LRRC28: variants seen among roughly 807,000 people sequenced by gnomAD.
The protein encoded by LRRC28 is leucine rich repeat containing 28, also known as leucine-rich repeat-containing protein 28.
In LRRC28, 39 loss-of-function variants were observed where a neutral mutation model predicts 45.7. That is an observed-to-expected ratio of 0.85 (90% CI 0.66 to 1.12). The LOEUF (loss-of-function observed/expected upper bound fraction) is 1.12, where lower values mean the gene tolerates loss of function less well. Ranked by LOEUF, LRRC28 falls within the 50% of genes most tolerant of loss-of-function variation. The probability of loss-of-function intolerance (pLI) is 0.00; values close to 1 mark genes in which losing one functional copy is unlikely to be tolerated. For synonymous variants in LRRC28, 206 were observed against 178.8 expected, an observed-to-expected ratio of 1.15 and a Z score of -1.22; for missense variants, 435 against 438.5, an observed-to-expected ratio of 0.99 and a Z score of 0.07.
At chr15:99,282,177 G>GTGTTTTTTTTTTTTTTTTTTTTTTTTT (rs2081814879) in intron 3 of LRRC28, among the ~76,000 whole-genome samples, 1 of 98,048 alleles carries the variant, frequency 1.0e-5, no homozygotes, top group South Asian at 3.1e-4. Context: ...ATTTTTGGAG[G>GTGTTTTTTTTTTTTTTTTTTTTTTTTT]TTTTTTTTTT....
At chr15:99,354,807 A>G (rs1956998168) in intron 7 of LRRC28, among the ~76,000 whole-genome samples, 1 of 152,212 alleles carries the variant, frequency 6.6e-6, no homozygotes, top group South Asian at 2.1e-4. Flanking sequence ...CACTGCTATC[A>G]TATGTTGCAT....
chr15:99,260,068 G>A (rs954766852), intron 2 of LRRC28: 6 of 528,590 alleles, frequency 1.1e-5, no homozygotes, highest in African/African-American at 9.6e-5. Context: ...AATGTGAAAT[G>A]TAAGTCATTT....
chr15:99,278,488 C>T (rs1463343270), intron 3 of LRRC28, among the ~76,000 whole-genome samples: 2 of 152,162 alleles, frequency 1.3e-5, no homozygotes, highest in Non-Finnish European at 2.9e-5. Flanking sequence ...CCTTGTGATC[C>T]ACCTGCCTTG....
intron 9 of LRRC28, among the ~76,000 whole-genome samples, chr15:99,385,047 G>A (rs1452240292): frequency 6.6e-6 from 1 of 152,214 alleles, no homozygotes; most frequent in Non-Finnish European, 1.5e-5. Context: ...CCTTGGGCCT[G>A]AAGGGCAAAG....
intron 9 of LRRC28, among the ~76,000 whole-genome samples, chr15:99,382,442 G>A (rs1272667399): frequency 1.3e-5 from 2 of 152,094 alleles, no homozygotes; most frequent in East Asian, 1.9e-4. Flanking sequence ...GTTCCTATTC[G>A]GCCATCTTGG....
chr15:99,385,934 C>G (rs748953478), intron 9 of LRRC28, 96 bp from the exon 10 acceptor site: 2 of 1,054,544 alleles, frequency 1.9e-6, no homozygotes, highest in East Asian at 4.7e-5. Context: ...CATGGCTAAT[C>G]CTCCATTTTA....
chr15:99,386,174 C>A lies in LRRC28; in HGVS notation c.*72C>A. On this transcript the variant is annotated 3_prime_UTR_variant, in exon 10 of 10. Coordinates refer to ENST00000301981, the MANE Select transcript of LRRC28 (RefSeq NM_144598.5). ...ATCCAGCCAGTCCAGCACACTCTTC[C>A]ATCCTGTCCTGTCCAATGCGGGGGC... The A allele has an allele frequency of 8.3e-7, 1 of 1,211,784 alleles. No homozygotes were observed. Among genetic ancestry groups the A allele is most frequent in the Non-Finnish European group, 1.2e-6 (1 of 813,362 alleles). The allele number at this position is 1,211,784 out of a possible 1,614,324, so 75.1% of individuals were successfully genotyped here. A position where few individuals can be genotyped will look rare whatever the true frequency, so the allele number is the denominator to read the frequency against.
chr15:99,292,433 C>T (rs991557126), intron 5 of LRRC28, among the ~76,000 whole-genome samples: 2 of 146,710 alleles, frequency 1.4e-5, no homozygotes, highest in African/African-American at 2.5e-5. Context: ...GGTGCAATCT[C>T]GGCTCACTGC....
rs1958122709 is a variant in LRRC28, at chr15:99,389,504, A to G, written c.*3402A>G. The G allele has an allele frequency of 6.6e-6, 1 of 152,238 alleles. No homozygotes were observed. Among genetic ancestry groups the G allele is most frequent in the South Asian group, 2.1e-4 (1 of 4,832 alleles). The allele number at this position is 152,238 out of a possible 1,614,324, so 9.4% of individuals were successfully genotyped here. A position where few individuals can be genotyped will look rare whatever the true frequency, so the allele number is the denominator to read the frequency against. On this transcript the variant is annotated 3_prime_UTR_variant, in exon 10 of 10. Coordinates refer to ENST00000301981, the MANE Select transcript of LRRC28 (RefSeq NM_144598.5). The stretch of plus-strand genomic sequence containing the variant: ...AACACAATACATTGCCTCAGCATAA[A>G]TAAAAACATTTTTATTAAGATGATT...
chr15:99,370,033 C>T (rs148426381), intron 9 of LRRC28, among the ~76,000 whole-genome samples: 181 of 152,274 alleles, frequency 1.2e-3, no homozygotes, highest in Middle Eastern at 6.8e-3. Context: ...AAGATAGGTA[C>T]TATCATTAAG....
chr15:99,386,047 T>C lies in LRRC28; in HGVS notation c.1049T>C (p.Phe350Ser). 1 of 1,614,198 alleles carries C rather than the reference T, an allele frequency of 6.2e-7. No individual in the cohort carries two copies. The highest frequency in any genetic ancestry group is 8.5e-7 in the Non-Finnish European group (1 of 1,180,008). ...CCTTCCAGGAAGACAACTGTTAGTT[T>C]TGTGGCTTACTGCTGCTCCACCCAG... is the stretch of plus-strand genomic sequence containing the variant. Reference protein sequence around the residue: ...GLHQWKTTVSFVAYCCSTQCL... With the variant: ...GLHQWKTTVSSVAYCCSTQCL... The change falls in exon 10 of 10, where the codon TTT becomes TCT. Residue 350 changes from phenylalanine to serine, a missense_variant. By Grantham distance (155) the Phe-to-Ser change is radical. Transcript: ENST00000301981.
Position 99,390,393 on chromosome 15 carries a change from A to T in LRRC28, c.*4291A>T, listed in dbSNP as rs893175679. 1 of 147,916 alleles carries T rather than the reference A, an allele frequency of 6.8e-6. No individual in the cohort carries two copies. The highest frequency in any genetic ancestry group is 2.6e-5 in the African/African-American group (1 of 38,082). The allele number at this position is 147,916 out of a possible 1,614,324, so 9.2% of individuals were successfully genotyped here. A position where few individuals can be genotyped will look rare whatever the true frequency, so the allele number is the denominator to read the frequency against. ...GCATTCGGAGATTATTTCTGTATGT[A>T]ATTAAGAGACTTTCAAGGGTTAGCC... is the stretch of plus-strand genomic sequence containing the variant. On this transcript the variant is annotated 3_prime_UTR_variant, in exon 10 of 10. Transcript: ENST00000301981.
At position 99,255,321 on chromosome 15, in the gene LRRC28, C is replaced by T. The variant is rs375493256; in HGVS notation, c.-60-577C>T. ...ACAGTGAGCTATGATTGAGTCACTG[C>T]GCCCCAGCCTGGGCAACAGAGTGAG... On this transcript the variant is annotated intron_variant, in intron 1 of 9. Coordinates refer to ENST00000301981, the MANE Select transcript of LRRC28 (RefSeq NM_144598.5). 7.3e-5 allele frequency among the ~76,000 whole-genome samples: 11 copies of T among 151,192 alleles called. No homozygotes were observed. In the South Asian group the frequency reaches 1.0e-3, roughly 14 times the overall value.
At chr15:99,312,298 T>C (rs1357909272) in intron 5 of LRRC28, among the ~76,000 whole-genome samples, 2 of 152,192 alleles carry the variant, frequency 1.3e-5, no homozygotes, top group East Asian at 3.8e-4. Flanking sequence ...TAGGCAATTA[T>C]AACACAATGT....
intron 5 of LRRC28, among the ~76,000 whole-genome samples, chr15:99,331,503 C>G (rs78787718): frequency 0.03 from 4,552 of 152,190 alleles, 203 homozygotes; most frequent in African/African-American, 0.1. Context: ...AGTCAAATGC[C>G]TACTTGTTTT....
chr15:99,344,747 G>T (rs1442727969), intron 6 of LRRC28, among the ~76,000 whole-genome samples: 9 of 152,114 alleles, frequency 5.9e-5, no homozygotes, highest in Non-Finnish European at 1.3e-4. Context: ...TAACTGTATT[G>T]TATGATCTTT....
chr15:99,375,462 C>A (rs1957601228), intron 9 of LRRC28, among the ~76,000 whole-genome samples: 1 of 152,150 alleles, frequency 6.6e-6, no homozygotes, highest in Non-Finnish European at 1.5e-5. Flanking sequence ...GTTCTGGATT[C>A]AGGATAATAA....
At chr15:99,382,801 A>G (rs1192336669) in intron 9 of LRRC28, among the ~76,000 whole-genome samples, 2 of 151,928 alleles carry the variant, frequency 1.3e-5, no homozygotes, top group African/African-American at 4.8e-5. Context: ...AGTGTTCTGT[A>G]TATGTCAGAT....
intron 5 of LRRC28, among the ~76,000 whole-genome samples, chr15:99,315,106 GA>G (rs1305817590): frequency 4.6e-5 from 7 of 152,006 alleles, no homozygotes; most frequent in Admixed American, 1.3e-4. Context: ...TTCAGAGGAT[GA>G]AAAAAAATTT....
Sources: allele counts gnomAD v4.1 joint callset (sites outside exome capture counted in the v4.1 genomes callset), GRCh38; gene constraint gnomAD v4.1.1; transcripts MANE v1.5; gene names NCBI Gene and HGNC (gene_info 2026-07-23, HGNC 2026-07-21).